Variants in TMEM135 observed in about 807,000 individuals in gnomAD.
TMEM135 encodes the protein peroxisomal membrane protein 52.
A neutral mutation model predicts 60.3 loss-of-function variants in TMEM135; 30 were observed. The observed-to-expected ratio is 0.50, with a 90% CI of 0.37 to 0.68. TMEM135 has a LOEUF of 0.68. Ranked by LOEUF, TMEM135 falls within the 30% of genes least tolerant of loss-of-function variation. The pLI, the probability that TMEM135 is intolerant of heterozygous loss-of-function variation, is 0.00. For synonymous variants in TMEM135, 190 were observed against 186.7 expected (o/e 1.02, Z -0.14); for missense variants, 468 against 548.8 (o/e 0.85, Z 1.47).
chr11:87,171,031 A>G (rs1939223019), intron 5 of TMEM135, among the ~76,000 whole-genome samples: 3 of 152,136 alleles, frequency 2.0e-5, no homozygotes, highest in Admixed American at 2.0e-4. Context: ...CTTTGAAGAA[A>G]CTAATGAGCA....
intron 3 of TMEM135, 115 bp downstream of exon 3, chr11:87,071,730 T>G (rs1440750760): frequency 1.6e-6 from 1 of 638,874 alleles, no homozygotes; most frequent in East Asian, 3.1e-5. Context: ...AGATATATTT[T>G]TTCGGTTCTG....
At chr11:87,240,070 G>C (rs988704973) in intron 6 of TMEM135, among the ~76,000 whole-genome samples, 1 of 152,016 alleles carries the variant, frequency 6.6e-6, no homozygotes, top group African/African-American at 2.4e-5. Context: ...CAAGGCTTGG[G>C]CTGGCAAAAG....
chr11:87,102,551 G>T (rs572828460), intron 4 of TMEM135, among the ~76,000 whole-genome samples: 1 of 151,782 alleles, frequency 6.6e-6, no homozygotes, highest in Non-Finnish European at 1.5e-5. Flanking sequence ...ATACTTTTCC[G>T]TATGAGCCAA....
In TMEM135 at chr11:87,309,597, G is replaced by T. The variant is rs1346551827; in HGVS notation, c.861G>T (p.Arg287=). 2.5e-6 allele frequency: 4 copies of T among 1,613,832 alleles called. No individual in the cohort carries two copies. The East Asian group carries it at 6.7e-5, about 27-fold the overall frequency. The change falls in exon 10 of 15, where the codon CGG becomes CGT. Residue 287 remains arginine, a synonymous_variant. Transcript: ENST00000305494. ...AFRHLFTQPS[R]LLSLFYNKEN... Reference sequence around the variant, plus strand: ...GGCATCTGTTTACACAGCCATCTCGGCTACTTTCTCTCTTCTACAATAAAG... The same window carrying T: ...GGCATCTGTTTACACAGCCATCTCGTCTACTTTCTCTCTTCTACAATAAAG...
At chr11:87,174,176 A>T (rs1010212492) in intron 5 of TMEM135, among the ~76,000 whole-genome samples, 1 of 152,138 alleles carries the variant, frequency 6.6e-6, no homozygotes, top group Non-Finnish European at 1.5e-5. Flanking sequence ...AGAAATGCAG[A>T]CTAAGGCTTA....
At chr11:87,242,634 G>A (rs1339911654) in intron 6 of TMEM135, among the ~76,000 whole-genome samples, 1 of 135,284 alleles carries the variant, frequency 7.4e-6, no homozygotes, top group Non-Finnish European at 1.6e-5. Context: ...GGGTCTTTTG[G>A]CTGCATAAAT....
intron 5 of TMEM135, among the ~76,000 whole-genome samples, chr11:87,170,593 G>C (rs1939207879): frequency 6.6e-6 from 1 of 152,122 alleles, no homozygotes; most frequent in Non-Finnish European, 1.5e-5. Context: ...TCCAGACCCT[G>C]TTTGCATGGG....
intron 7 of TMEM135, 55 bp from the exon 8 acceptor site, chr11:87,302,241 T>A: frequency 1.3e-6 from 2 of 1,562,398 alleles, no homozygotes; most frequent in Non-Finnish European, 1.7e-6. Context: ...CTTTTTTTTT[T>A]CCTCATTGAC....
intron 4 of TMEM135, among the ~76,000 whole-genome samples, chr11:87,151,315 T>G (rs1938550450): frequency 6.6e-6 from 1 of 152,168 alleles, no homozygotes; most frequent in Non-Finnish European, 1.5e-5. Context: ...ATTTATAGTT[T>G]TGCTGTTATA....
At chr11:87,222,687 CCAG>C (rs201973964) in intron 5 of TMEM135, among the ~76,000 whole-genome samples, 9,587 of 151,380 alleles carry the variant, frequency 0.063, 362 homozygotes, top group South Asian at 0.12. Flanking sequence ...ACCTCTAGTC[CCAG>C]CTACTCGGGA....
In TMEM135 at chr11:87,324,416, G is replaced by A. The variant is rs112021061; in HGVS notation, c.*3083G>A. ...AGCCCAGAGATTCCTTAAATTCTCCGTGTGATTTATTTTTTTATTTTTTGA... is the reference window on the plus strand; with the variant it reads ...AGCCCAGAGATTCCTTAAATTCTCCATGTGATTTATTTTTTTATTTTTTGA... On this transcript the variant is annotated 3_prime_UTR_variant, in exon 15 of 15. Transcript: ENST00000305494. 6.6e-5 allele frequency: 30 copies of A among 453,792 alleles called. 1 individual carries two copies. Among genetic ancestry groups the A allele is most frequent in the African/African-American group, 1.8e-4 (9 of 50,020 alleles). The allele number at this position is 453,792 out of a possible 1,614,324, so 28.1% of individuals were successfully genotyped here. A position where few individuals can be genotyped will look rare whatever the true frequency, so the allele number is the denominator to read the frequency against.
chr11:87,067,690 C>G lies in TMEM135; in HGVS notation c.142-4C>G. On this transcript the variant is annotated splice_polypyrimidine_tract_variant and splice_region_variant and intron_variant, in intron 1 of 14. Coordinates refer to ENST00000305494, the MANE Select transcript of TMEM135 (RefSeq NM_022918.4). ...ATTAAACAAAAAATCCTTTCTCTTT[C>G]CAGATTGCAGCAATTCTCCGGAAAC... 1 of 1,613,510 alleles carries G rather than the reference C, an allele frequency of 6.2e-7. No individual in the cohort carries two copies. Among genetic ancestry groups the G allele is most frequent in the South Asian group, 1.1e-5 (1 of 91,064 alleles).
chr11:87,062,410 C>T, intron 1 of TMEM135, among the ~76,000 whole-genome samples: 1 of 37,822 alleles, frequency 2.6e-5, no homozygotes, highest in Non-Finnish European at 6.5e-5. Context: ...AGAACATTTC[C>T]CCCCAAGCCC....
chr11:87,244,995 T>C (rs1406724600), intron 6 of TMEM135, among the ~76,000 whole-genome samples: 1 of 151,628 alleles, frequency 6.6e-6, no homozygotes, highest in Non-Finnish European at 1.5e-5. Context: ...TTTAGTGCTA[T>C]AAATTTCCCT....
At chr11:87,068,083 T>C (rs1281753053) in intron 2 of TMEM135, among the ~76,000 whole-genome samples, 3 of 152,216 alleles carry the variant, frequency 2.0e-5, no homozygotes, top group Non-Finnish European at 4.4e-5. Context: ...CTGAGGCCTG[T>C]TATATTTACC....
intron 1 of TMEM135, among the ~76,000 whole-genome samples, chr11:87,065,545 C>T (rs535543474): frequency 6.6e-6 from 1 of 152,216 alleles, no homozygotes; most frequent in South Asian, 2.1e-4. Flanking sequence ...TTTGGGACTT[C>T]TTTATGTATT....
In TMEM135 at chr11:87,107,426, C is replaced by T. The variant is rs1857626404; in HGVS notation, c.396+16031C>T. 2.0e-5 allele frequency among the ~76,000 whole-genome samples: 3 copies of T among 147,890 alleles called. No homozygotes were observed. In the Admixed American group the frequency reaches 2.0e-4, roughly 10 times the overall value. On this transcript the variant is annotated intron_variant, in intron 4 of 14. Transcript: ENST00000305494. The stretch of plus-strand genomic sequence containing the variant: ...CTATCCATCCCCCCTCCCCCCACCC[C>T]ACGACAAGCCCTGGTGTGTGATGTT...
chr11:87,106,114 T>C (rs1454377359), intron 4 of TMEM135, among the ~76,000 whole-genome samples: 1 of 152,110 alleles, frequency 6.6e-6, no homozygotes, highest in Non-Finnish European at 1.5e-5. Flanking sequence ...TCTTTCTTTT[T>C]TTTTTTTGAG....
At chr11:87,227,945 C>T (rs1332385152) in intron 5 of TMEM135, among the ~76,000 whole-genome samples, 3 of 152,130 alleles carry the variant, frequency 2.0e-5, no homozygotes, top group African/African-American at 4.8e-5. Flanking sequence ...TTATCAATAA[C>T]GTATCTACGT....
Sources: allele counts gnomAD v4.1 joint callset (sites outside exome capture counted in the v4.1 genomes callset), GRCh38; gene constraint gnomAD v4.1.1; transcripts MANE v1.5; gene names NCBI Gene and HGNC (gene_info 2026-07-23, HGNC 2026-07-21).